The following SIN3A variants were observed in gnomAD, a reference collection of about 807,000 sequenced individuals.
SIN3A encodes SIN3 transcription regulator family member A.
Under a neutral mutation model 146.1 loss-of-function variants are expected in SIN3A, and 14 were observed. The ratio of observed to expected loss-of-function variants is 0.10; its 90% CI spans 0.06 to 0.15. The LOEUF (loss-of-function observed/expected upper bound fraction) is 0.15. Among genes scored for constraint, SIN3A ranks in the 10% least tolerant of loss-of-function variants. The probability of loss-of-function intolerance (pLI) is 1.00; values close to 1 mark genes in which losing one functional copy is unlikely to be tolerated. For synonymous variants in SIN3A, 572 were observed against 572.0 expected (o/e 1.00, Z 0.00); for missense variants, 1,028 against 1,576.0 (o/e 0.65, Z 5.89).
intron 13 of SIN3A, 112 bp downstream of exon 13, chr15:75,396,145 GA>G: frequency 1.3e-6 from 1 of 788,916 alleles, no homozygotes; most frequent in South Asian, 1.7e-5. Context: ...CAGGGTTGGG[GA>G]GAAAGAGAGG....
At position 75,369,935 on chromosome 15, in the gene SIN3A, A is replaced by C. The variant is rs1047575618; in HGVS notation, c.*2044T>G. ...TTTGGCACCCTACACTTTGGCTCACAGTCTCTTCTCCCCAGTACAAAAAAA... is the reference window on the plus strand; with the variant it reads ...TTTGGCACCCTACACTTTGGCTCACCGTCTCTTCTCCCCAGTACAAAAAAA... On this transcript the variant is annotated 3_prime_UTR_variant, in exon 21 of 21. Coordinates refer to ENST00000394947, the MANE Select transcript of SIN3A (RefSeq NM_001145358.2). 1 of 152,236 alleles carries C rather than the reference A, an allele frequency of 6.6e-6. No homozygotes were observed. The highest frequency in any genetic ancestry group is 1.5e-5 in the Non-Finnish European group (1 of 68,084). The allele number at this position is 152,236 out of a possible 1,614,324, so 9.4% of individuals were successfully genotyped here. A position where few individuals can be genotyped will look rare whatever the true frequency, so the allele number is the denominator to read the frequency against.
rs1444395453 is a variant in SIN3A at position 75,394,805 on chromosome 15, G to A, written c.2152C>T (p.Arg718Ter). The A allele has an allele frequency of 6.2e-7, 1 of 1,613,964 alleles. No individual in the cohort carries two copies. The highest frequency in any genetic ancestry group is 8.5e-7 in the Non-Finnish European group (1 of 1,179,966). The change falls in exon 14 of 21, where the codon CGA becomes TGA. Residue 718 changes from arginine to a stop codon, truncating the protein, a stop_gained. Coordinates refer to ENST00000394947, the MANE Select transcript of SIN3A (RefSeq NM_001145358.2). LOFTEE classifies it high-confidence loss of function. ...EAQRGFNKVW[R>*]EQNEKYYLKS... ...AAGTAGTATTTCTCATTTTGTTCTC[G>A]CCATACTTTGTTAAAGCCTCTCTGA...
intron 1 of SIN3A, among the ~76,000 whole-genome samples, chr15:75,442,795 G>A (rs1296602761): frequency 6.6e-6 from 1 of 151,838 alleles, no homozygotes; most frequent in African/African-American, 2.4e-5. Context: ...AGCCAGGCAT[G>A]GTGGTACATG....
intron 2 of SIN3A, 72 bp downstream of exon 2, chr15:75,430,115 A>G: frequency 8.0e-7 from 1 of 1,251,734 alleles, no homozygotes; most frequent in East Asian, 2.4e-5. Flanking sequence ...CAGTATTAAA[A>G]AAAGTTTTAT....
At chr15:75,416,532 G>A (rs2073740396) in intron 3 of SIN3A, among the ~76,000 whole-genome samples, 1 of 152,040 alleles carries the variant, frequency 6.6e-6, no homozygotes, top group Non-Finnish European at 1.5e-5. Flanking sequence ...CACCACATTG[G>A]CCAGGCTGGT....
chr15:75,376,826 C>T (rs2072866872), intron 19 of SIN3A, among the ~76,000 whole-genome samples: 1 of 141,490 alleles, frequency 7.1e-6, no homozygotes, highest in African/African-American at 2.6e-5. Flanking sequence ...CACCACTGTA[C>T]TATAGCCTGG....
chr15:75,439,340 A>G (rs919021923), intron 1 of SIN3A, among the ~76,000 whole-genome samples: 2 of 151,424 alleles, frequency 1.3e-5, no homozygotes, highest in African/African-American at 2.4e-5. Flanking sequence ...CAACTGTCAC[A>G]TATCTTTTTT....
At position 75,430,348 on chromosome 15, in the gene SIN3A, A is replaced by C; in HGVS notation, c.28T>G (p.Ser10Ala). The C allele has an allele frequency of 6.2e-7, 1 of 1,612,192 alleles. No homozygotes were observed. The highest frequency in any genetic ancestry group is 1.3e-5 in the African/African-American group (1 of 74,880). MKRRLDDQESPVYAAQQRRI... is the reference protein window; with the variant it reads MKRRLDDQEAPVYAAQQRRI... ...CGCTGCTGGGCTGCATACACCGGTG[A>C]CTCCTGGTCATCCAAACGCCGCTTC... Residue 10 changes from serine (S) to alanine (A), a missense_variant, in exon 2 of 21, where the codon TCA (serine) becomes GCA (alanine). Physicochemically the swap from Ser to Ala is moderately conservative, Grantham distance 99. Around this residue, in one of 9 missense-constraint regions of SIN3A, gnomAD observed 152 missense variants for 231.5 expected, o/e 0.66. Transcript: ENST00000394947.
In SIN3A at chr15:75,401,857, G is replaced by A; in HGVS notation, c.1521C>T (p.Phe507=). The change falls in exon 10 of 21, where the codon TTC becomes TTT. Residue 507 remains phenylalanine (F), a synonymous_variant. Coordinates refer to ENST00000394947, the MANE Select transcript of SIN3A (RefSeq NM_001145358.2). ...AAGCCCCTCACTTCACTTACCCCAG[G>A]AAAGGAGAGACTAGTTGCACAAGCT... is the stretch of plus-strand genomic sequence containing the variant. ...RAELVQLVSP[F]LGKFPELFNW... 3 of 1,592,600 alleles carry A rather than the reference G, an allele frequency of 1.9e-6. No homozygotes were observed. Among genetic ancestry groups the A allele is most frequent in the Non-Finnish European group, 2.6e-6 (3 of 1,160,546 alleles).
intron 2 of SIN3A, among the ~76,000 whole-genome samples, chr15:75,427,532 C>T (rs773497044): frequency 4.6e-5 from 7 of 151,824 alleles, no homozygotes; most frequent in South Asian, 4.2e-4. Flanking sequence ...TGGTGGTGCA[C>T]GCCTGTAATC....
chr15:75,452,129 T>A (rs1293208985), upstream of SIN3A, among the ~76,000 whole-genome samples: 10 of 151,884 alleles, frequency 6.6e-5, no homozygotes, highest in African/African-American at 2.4e-4. Flanking sequence ...CGATGTGGGG[T>A]AAAATGTCTG....
intron 19 of SIN3A, among the ~76,000 whole-genome samples, chr15:75,378,165 A>G (rs1176335682): frequency 1.3e-5 from 2 of 152,250 alleles, no homozygotes; most frequent in African/African-American, 2.4e-5. Flanking sequence ...ACAAAATCAT[A>G]GAGGAAAAAA....
rs1480939254 is a variant in SIN3A at position 75,451,498 on chromosome 15, G to A, written c.-109C>T. 2 of 149,596 alleles carry A rather than the reference G, an allele frequency of 1.3e-5. No individual in the cohort carries two copies. Among genetic ancestry groups the A allele is most frequent in the Non-Finnish European group, 3.0e-5 (2 of 67,444 alleles). The allele number at this position is 149,596 out of a possible 1,614,324, so 9.3% of individuals were successfully genotyped here. ...CGCGAGCTCAGCAGGGAGGCCCCGA[G>A]AACGGCGCGGGGCACAGGCCCGCCG... On this transcript the variant is annotated 5_prime_UTR_variant, in exon 1 of 21. Coordinates refer to ENST00000394947, the MANE Select transcript of SIN3A (RefSeq NM_001145358.2).
intron 3 of SIN3A, among the ~76,000 whole-genome samples, chr15:75,416,173 A>G (rs940767586): frequency 6.6e-6 from 1 of 152,244 alleles, no homozygotes; most frequent in Non-Finnish European, 1.5e-5. Flanking sequence ...CAGTGTTGTT[A>G]TCGCACACAG....
intron 1 of SIN3A, among the ~76,000 whole-genome samples, chr15:75,446,074 A>G (rs1280692870): frequency 1.3e-5 from 2 of 152,220 alleles, no homozygotes; most frequent in Non-Finnish European, 2.9e-5. Context: ...ATACAACGGT[A>G]AACAAAAATC....
At chr15:75,445,817 A>G (rs2141628902) in intron 1 of SIN3A, among the ~76,000 whole-genome samples, 1 of 152,238 alleles carries the variant, frequency 6.6e-6, no homozygotes, top group Non-Finnish European at 1.5e-5. Flanking sequence ...AAAGAATAGA[A>G]CTTGAGATAG....
intron 1 of SIN3A, among the ~76,000 whole-genome samples, chr15:75,442,291 T>C (rs1363641465): frequency 6.6e-6 from 1 of 151,564 alleles, no homozygotes; most frequent in Non-Finnish European, 1.5e-5. Context: ...GAAAGAATAC[T>C]ATCATACATC....
At chr15:75,381,791 A>G in intron 17 of SIN3A, 86 bp from the exon 18 acceptor site, 1 of 1,145,080 alleles carries the variant, frequency 8.7e-7, no homozygotes, top group South Asian at 1.3e-5. Flanking sequence ...TGCAGAGGCA[A>G]TAAACTTAGT....
intron 19 of SIN3A, among the ~76,000 whole-genome samples, chr15:75,377,389 C>T (rs2072881060): frequency 6.6e-6 from 1 of 152,086 alleles, no homozygotes; most frequent in African/African-American, 2.4e-5. Flanking sequence ...CTCTGGGAGG[C>T]TGAGGCAGGC....
Sources: gnomAD v4.1 joint callset for allele counts (sites outside exome capture counted in the v4.1 genomes callset) on GRCh38, gnomAD v4.1.1 for gene constraint, gnomAD v4.1.1 regional missense constraint, MANE v1.5 for transcripts, NCBI Gene and HGNC (gene_info 2026-07-23, HGNC 2026-07-21) for gene names.